Variants in FHIT observed in about 807,000 individuals in gnomAD.
The protein encoded by FHIT is fragile histidine triad diadenosine triphosphatase, also known as bis(5'-adenosyl)-triphosphatase.
FHIT carries 19 observed loss-of-function variants against 17.9 expected under a neutral mutation model. That is an observed-to-expected ratio of 1.06 (90% CI 0.74 to 1.56). FHIT has a LOEUF of 1.56. Among genes scored for constraint, FHIT ranks in the 40% most tolerant of loss-of-function variants. The probability of loss-of-function intolerance (pLI) is 0.00; values close to 1 mark genes in which losing one functional copy is unlikely to be tolerated. For synonymous variants in FHIT, 81 were observed against 69.7 expected (o/e 1.16, Z -0.81); for missense variants, 248 against 189.2 (o/e 1.31, Z -1.82).
chr3:59,831,199 G>A (rs1203687792), intron 8 of FHIT, among the ~76,000 whole-genome samples: 3 of 152,012 alleles, frequency 2.0e-5, no homozygotes, highest in East Asian at 3.9e-4. Context: ...ATGCTATACA[G>A]CATTATTACT....
At chr3:61,012,724 AT>A (rs1339115151) in intron 3 of FHIT, among the ~76,000 whole-genome samples, 1 of 151,462 alleles carries the variant, frequency 6.6e-6, no homozygotes, top group Admixed American at 6.6e-5. Context: ...AGAAATACAT[AT>A]TTTTTGTTTT....
chr3:59,893,369 T>C (rs1469748287), intron 8 of FHIT, among the ~76,000 whole-genome samples: 2 of 152,170 alleles, frequency 1.3e-5, no homozygotes, highest in Non-Finnish European at 2.9e-5. Flanking sequence ...TAGACTACTG[T>C]ACATGGCTCT....
intron 5 of FHIT, among the ~76,000 whole-genome samples, chr3:60,204,647 C>A (rs1231273650): frequency 1.3e-5 from 2 of 151,828 alleles, no homozygotes; most frequent in African/African-American, 4.8e-5. Context: ...TGAAAAGATG[C>A]TCAAATTTAA....
chr3:60,250,135 A>AG (rs1490733977), intron 5 of FHIT, among the ~76,000 whole-genome samples: 5 of 152,208 alleles, frequency 3.3e-5, no homozygotes, highest in Non-Finnish European at 5.9e-5. Flanking sequence ...AAGGGGAAAG[A>AG]GAAAAAAAAG....
intron 8 of FHIT, among the ~76,000 whole-genome samples, chr3:59,914,708 G>A (rs1424907210): frequency 6.6e-6 from 1 of 151,790 alleles, no homozygotes; most frequent in Non-Finnish European, 1.5e-5. Flanking sequence ...TTCACTTTGG[G>A]GCCATTATAA....
intron 5 of FHIT, among the ~76,000 whole-genome samples, chr3:60,233,992 G>C (rs558887527): frequency 6.6e-6 from 1 of 152,168 alleles, no homozygotes; most frequent in South Asian, 2.1e-4. Context: ...ATCTTTATTA[G>C]CAGCATGAGA....
rs141169738 is a variant in FHIT at position 60,553,826 on chromosome 3, C to G, written c.-17-16847G>C. 4.4e-3 allele frequency among the ~76,000 whole-genome samples: 666 copies of G among 152,214 alleles called. 2 individuals carry two copies. The highest frequency in any genetic ancestry group is 0.015 in the African/African-American group (639 of 41,546). On this transcript the variant is annotated intron_variant, in intron 4 of 9. Transcript: ENST00000492590. ...AAAAGCCAAGCACAGTGGCTCACAC[C>G]TGTAATCCCAGCACTTTAGGAGGCC...
intron 5 of FHIT, among the ~76,000 whole-genome samples, chr3:60,276,395 C>T (rs761521408): frequency 6.6e-6 from 1 of 152,124 alleles, no homozygotes; most frequent in Non-Finnish European, 1.5e-5. Context: ...GGCATTCACA[C>T]AAGCGTTTTT....
chr3:61,098,717 G>T (rs776648618), intron 2 of FHIT, among the ~76,000 whole-genome samples: 2 of 152,114 alleles, frequency 1.3e-5, no homozygotes, highest in Non-Finnish European at 2.9e-5. Flanking sequence ...TGGCAATTAT[G>T]AATGTGACTA....
chr3:61,188,023 T>G (rs2038577698), intron 2 of FHIT, among the ~76,000 whole-genome samples: 1 of 151,954 alleles, frequency 6.6e-6, no homozygotes, highest in African/African-American at 2.4e-5. Context: ...ATTAAAGAAC[T>G]AGAGAAGCAA....
intron 5 of FHIT, among the ~76,000 whole-genome samples, chr3:60,445,775 G>A (rs1262736262): frequency 6.9e-5 from 10 of 144,286 alleles, no homozygotes; most frequent in African/African-American, 2.4e-4. Flanking sequence ...CACCAAACTA[G>A]CAAACTTTAA....
At chr3:60,077,729 C>CACACATAT (rs1559611496) in intron 5 of FHIT, among the ~76,000 whole-genome samples, 2 of 67,188 alleles carry the variant, frequency 3.0e-5, no homozygotes, top group African/African-American at 9.8e-5. Context: ...CACACACACA[C>CACACATAT]ATATATAGAG....
At chr3:59,900,858 C>T (rs937350058) in intron 8 of FHIT, among the ~76,000 whole-genome samples, 33 of 152,216 alleles carry the variant, frequency 2.2e-4, no homozygotes, top group Non-Finnish European at 1.2e-4. Context: ...AAAGGACCCA[C>T]CTGCCTCAGC....
At chr3:60,189,854 T>A (rs1702325320) in intron 5 of FHIT, among the ~76,000 whole-genome samples, 6 of 152,158 alleles carry the variant, frequency 3.9e-5, no homozygotes, top group Non-Finnish European at 1.5e-5. Flanking sequence ...GTTGGTTAGG[T>A]TCTTGATAAT....
intron 7 of FHIT, among the ~76,000 whole-genome samples, chr3:59,994,286 T>G (rs1460845188): frequency 6.6e-6 from 1 of 152,106 alleles, no homozygotes; most frequent in African/African-American, 2.4e-5. Context: ...CTCATTACAT[T>G]TATTGTAAAA....
intron 3 of FHIT, among the ~76,000 whole-genome samples, chr3:60,909,436 C>T (rs1351017172): frequency 6.6e-6 from 1 of 150,776 alleles, no homozygotes; most frequent in African/African-American, 2.4e-5. Flanking sequence ...TGAGTTCATT[C>T]GTTGTGGAAC....
Position 60,077,729 on chromosome 3 carries a change from CAT to C in FHIT, c.104-63579_104-63578del, listed in dbSNP as rs1403752107. On this transcript the variant is annotated intron_variant, in intron 5 of 9. Coordinates refer to ENST00000492590, the MANE Select transcript of FHIT (RefSeq NM_002012.4). ...ACACACACACACACACACACACACA[CAT>C]ATATAGAGGGGGGGGGGAGGATACA... Among the ~76,000 whole-genome samples the C allele has an allele frequency of 6.7e-4, 45 of 67,242 alleles. No individual in the cohort carries two copies. In the East Asian group the frequency reaches 8.4e-3, roughly 13 times the overall value. 44.1% of individuals were successfully genotyped at this position (67,242 alleles called of 152,430 possible).
In FHIT at chr3:60,544,997, C is replaced by T. The variant is rs78027604; in HGVS notation, c.-17-8018G>A. On this transcript the variant is annotated intron_variant, in intron 4 of 9. Transcript: ENST00000492590. Reference sequence around the variant, plus strand: ...AAACGAGCATTTTCTGTTTCATGAGCGTTAAACAAAACTCTTTTGTCAAAC... The same window carrying T: ...AAACGAGCATTTTCTGTTTCATGAGTGTTAAACAAAACTCTTTTGTCAAAC... 8.5e-3 allele frequency among the ~76,000 whole-genome samples: 1,289 copies of T among 152,124 alleles called. 29 individuals are homozygous for T. The highest frequency in any genetic ancestry group is 0.03 in the African/African-American group (1,233 of 41,492).
intron 5 of FHIT, among the ~76,000 whole-genome samples, chr3:60,119,217 G>A (rs1403358809): frequency 6.6e-6 from 1 of 151,738 alleles, no homozygotes; most frequent in Non-Finnish European, 1.5e-5. Context: ...GGGACTACAG[G>A]TACCTGCCAC....
Sources: allele counts gnomAD v4.1 joint callset (sites outside exome capture counted in the v4.1 genomes callset), GRCh38; gene constraint gnomAD v4.1.1; transcripts MANE v1.5; gene names NCBI Gene and HGNC (gene_info 2026-07-23, HGNC 2026-07-21).